Variants in GRIN2A observed in about 807,000 individuals in gnomAD.
The protein encoded by GRIN2A is glutamate ionotropic receptor NMDA type subunit 2A, also known as glutamate receptor ionotropic, NMDA 2A.
A neutral mutation model predicts 113.4 loss-of-function variants in GRIN2A; 22 were observed. That is an observed-to-expected ratio of 0.19 (90% CI 0.14 to 0.28). The LOEUF (loss-of-function observed/expected upper bound fraction) is 0.28. Among genes scored for constraint, GRIN2A ranks in the 10% least tolerant of loss-of-function variants. GRIN2A has a pLI of 1.00. For missense variants in GRIN2A, 1,502 were observed against 1,887.0 expected, an observed-to-expected ratio of 0.80 and a Z score of 3.78; for synonymous variants, 827 against 738.4, an observed-to-expected ratio of 1.12 and a Z score of -1.94.
At position 9,966,341 on chromosome 16, in the gene GRIN2A, C is replaced by T. The variant is rs142223202; in HGVS notation, c.415-27790G>A. ...GTGTCCATGTGTTCTCATCATTTAG[C>T]TCCCACTTTTAAGTAATAATATATG... On this transcript the variant is annotated intron_variant, in intron 2 of 12. Coordinates refer to ENST00000330684, the MANE Select transcript of GRIN2A (RefSeq NM_001134407.3). Among the ~76,000 whole-genome samples, 1,368 of 152,244 alleles carry T rather than the reference C, an allele frequency of 9.0e-3. 29 individuals carry two copies. Among genetic ancestry groups the T allele is most frequent in the African/African-American group, 0.03 (1,255 of 41,530 alleles).
At chr16:10,061,515 CTG>C (rs996616076) in intron 2 of GRIN2A, among the ~76,000 whole-genome samples, 2 of 152,188 alleles carry the variant, frequency 1.3e-5, no homozygotes, top group African/African-American at 4.8e-5. Context: ...ATACAGTCAA[CTG>C]TGTGTCTCAC....
At chr16:10,077,399 C>T (rs1305330070) in intron 2 of GRIN2A, among the ~76,000 whole-genome samples, 1 of 152,138 alleles carries the variant, frequency 6.6e-6, no homozygotes, top group East Asian at 1.9e-4. Flanking sequence ...GGTGGCATCT[C>T]CAACTCTCCT....
At chr16:10,131,843 A>C (rs187746917) in intron 2 of GRIN2A, among the ~76,000 whole-genome samples, 3 of 152,292 alleles carry the variant, frequency 2.0e-5, no homozygotes, top group Admixed American at 2.0e-4. Context: ...GCAAAACAGG[A>C]AGAGTAATTC....
At chr16:9,889,874 G>T (rs1366922752) in intron 4 of GRIN2A, among the ~76,000 whole-genome samples, 1 of 152,162 alleles carries the variant, frequency 6.6e-6, no homozygotes, top group Non-Finnish European at 1.5e-5. Flanking sequence ...GCTCCAGAAT[G>T]TAGTCTACTT....
chr16:9,861,498 T>A (rs568997188), intron 4 of GRIN2A, among the ~76,000 whole-genome samples: 1 of 152,318 alleles, frequency 6.6e-6, no homozygotes, highest in Non-Finnish European at 1.5e-5. Context: ...TAAGTAATTC[T>A]GGGTCTTGGG....
intron 3 of GRIN2A, among the ~76,000 whole-genome samples, chr16:9,903,299 G>A (rs1216295069): frequency 2.0e-5 from 3 of 152,026 alleles, no homozygotes; most frequent in Non-Finnish European, 4.4e-5. Flanking sequence ...TTCCTCATGT[G>A]ACAGCACTTA....
At chr16:10,089,387 A>G (rs776103952) in intron 2 of GRIN2A, among the ~76,000 whole-genome samples, 3 of 152,202 alleles carry the variant, frequency 2.0e-5, no homozygotes, top group Non-Finnish European at 2.9e-5. Context: ...TTGTATGTCA[A>G]CTATACCTCA....
chr16:10,176,091 A>G (rs552398784), intron 2 of GRIN2A, among the ~76,000 whole-genome samples: 140 of 135,838 alleles, frequency 1.0e-3, no homozygotes, highest in Admixed American at 2.6e-3. Context: ...TGCAACCTCC[A>G]CCTCCCAGGT....
intron 11 of GRIN2A, among the ~76,000 whole-genome samples, chr16:9,774,106 G>A (rs1901455465): frequency 6.6e-6 from 1 of 152,094 alleles, no homozygotes; most frequent in Non-Finnish European, 1.5e-5. Context: ...GGGTCAGGCT[G>A]TAAGAAGGCT....
intron 11 of GRIN2A, among the ~76,000 whole-genome samples, chr16:9,796,869 C>T (rs965593820): frequency 2.0e-5 from 3 of 152,218 alleles, no homozygotes; most frequent in African/African-American, 4.8e-5. Flanking sequence ...CTGACCAACA[C>T]AGCCACAAAT....
chr16:9,955,357 C>G (rs1486472028), intron 2 of GRIN2A, among the ~76,000 whole-genome samples: 1 of 152,198 alleles, frequency 6.6e-6, no homozygotes, highest in Non-Finnish European at 1.5e-5. Context: ...CTTACCTTCT[C>G]TGTCCAACTC....
rs751464830 is a variant in GRIN2A, at chr16:10,111,638, G to A, written c.414+68360C>T. On this transcript the variant is annotated intron_variant, in intron 2 of 12. Transcript: ENST00000330684. ...ATGGCCATCGCGATGGCTCTGATGG[G>A]AGGTATTGGTTTCATTCACCACAAC... 5.8e-5 allele frequency: 88 copies of A among 1,513,962 alleles called. 1 individual carries two copies. Among genetic ancestry groups the A allele is most frequent in the Non-Finnish European group, 7.8e-5 (85 of 1,095,694 alleles). 93.8% of individuals were successfully genotyped at this position (1,513,962 alleles called of 1,614,324 possible). A position where few individuals can be genotyped will look rare whatever the true frequency, so the allele number is the denominator to read the frequency against.
At chr16:9,768,122 G>A (rs1229745560) in intron 12 of GRIN2A, among the ~76,000 whole-genome samples, 7 of 152,192 alleles carry the variant, frequency 4.6e-5, no homozygotes, top group East Asian at 1.9e-4. Context: ...GTTCAGTGGC[G>A]CTATCTTGGC....
chr16:9,854,503 G>A (rs1243085996), intron 4 of GRIN2A, among the ~76,000 whole-genome samples: 1 of 152,092 alleles, frequency 6.6e-6, no homozygotes, highest in Non-Finnish European at 1.5e-5. Context: ...TTCCACAGTG[G>A]CATGGAGTAT....
chr16:9,892,541 A>G (rs1466733220), intron 3 of GRIN2A, among the ~76,000 whole-genome samples: 1 of 152,220 alleles, frequency 6.6e-6, no homozygotes, highest in African/African-American at 2.4e-5. Flanking sequence ...AAGAGGCATC[A>G]ACGATGACTC....
intron 2 of GRIN2A, among the ~76,000 whole-genome samples, chr16:10,054,759 T>C (rs1227391015): frequency 1.3e-5 from 2 of 150,324 alleles, no homozygotes; most frequent in South Asian, 2.1e-4. Context: ...TAAAAAAGAG[T>C]AATTTGGGCC....
chr16:9,923,065 G>C (rs1268391821), intron 3 of GRIN2A, among the ~76,000 whole-genome samples: 3 of 152,050 alleles, frequency 2.0e-5, no homozygotes, highest in East Asian at 1.9e-4. Flanking sequence ...CAATTATTAA[G>C]AGTATTGAAA....
intron 2 of GRIN2A, among the ~76,000 whole-genome samples, chr16:10,119,539 G>A (rs978637387): frequency 3.3e-5 from 5 of 152,138 alleles, no homozygotes; most frequent in African/African-American, 1.2e-4. Flanking sequence ...GCGGCTTTTT[G>A]TCTAGCCCCG....
At chr16:9,850,707 A>G (rs1431901771) in intron 4 of GRIN2A, among the ~76,000 whole-genome samples, 1 of 152,114 alleles carries the variant, frequency 6.6e-6, no homozygotes, top group African/African-American at 2.4e-5. Flanking sequence ...ATTAAGGTGA[A>G]CTTTTATTAA....
Sources: allele counts gnomAD v4.1 joint callset (sites outside exome capture counted in the v4.1 genomes callset), GRCh38; gene constraint gnomAD v4.1.1; transcripts MANE v1.5; gene names NCBI Gene and HGNC (gene_info 2026-07-23, HGNC 2026-07-21).